ZNF718: variants seen among roughly 807,000 people sequenced by gnomAD.
ZNF718 encodes zinc finger protein 718.
Under a neutral mutation model 2.6 loss-of-function variants are expected in ZNF718, and 3 were observed. The ratio of observed to expected loss-of-function variants is 1.16; its 90% CI spans 0.53 to 3.01. The LOEUF (loss-of-function observed/expected upper bound fraction) is 3.01, where lower values mean the gene tolerates loss of function less well. Ranked by LOEUF, ZNF718 falls within the 30% of genes most tolerant of loss-of-function variation. The probability of loss-of-function intolerance (pLI) is 0.03; values close to 1 mark genes in which losing one functional copy is unlikely to be tolerated. For synonymous variants in ZNF718, 135 were observed against 77.9 expected (o/e 1.73, Z -3.86); for missense variants, 468 against 230.0 (o/e 2.03, Z -6.69).
chr4:159,421 T>C (rs958028383), intron 3 of ZNF718, among the ~76,000 whole-genome samples: 2 of 152,100 alleles, frequency 1.3e-5, no homozygotes, highest in Admixed American at 1.3e-4. Context: ...GGTTATCTTA[T>C]AAGACCACAC....
rs781921560 is a variant in ZNF718, at chr4:136,430, T to A, written c.226+4925T>A. 4 of 521,298 alleles carry A rather than the reference T, an allele frequency of 7.7e-6. No homozygotes were observed. The African/African-American group carries it at 7.7e-5, about 10-fold the overall frequency. 32.3% of individuals were successfully genotyped at this position (521,298 alleles called of 1,614,324 possible). Reference sequence around the variant, plus strand: ...TTGATAGGAAGGACCACTTGTGTACTGTAGCTGAGAGGAGTTTGAGACAGG... The same window carrying A: ...TTGATAGGAAGGACCACTTGTGTACAGTAGCTGAGAGGAGTTTGAGACAGG... On this transcript the variant is annotated intron_variant, in intron 3 of 3. Transcript: ENST00000510175.
At chr4:191,954 C>T (rs868963108) in intron 3 of ZNF718, among the ~76,000 whole-genome samples, 10 of 152,128 alleles carry the variant, frequency 6.6e-5, no homozygotes, top group East Asian at 3.9e-4. Flanking sequence ...CCCTGGGTCA[C>T]GGAAGAGAAC....
intron 3 of ZNF718, among the ~76,000 whole-genome samples, chr4:184,115 G>T (rs1553820184): frequency 6.6e-6 from 1 of 152,108 alleles, no homozygotes; most frequent in Non-Finnish European, 1.5e-5. Flanking sequence ...TCCAGCTTTT[G>T]CCCATTCAGT....
intron 3 of ZNF718, among the ~76,000 whole-genome samples, chr4:196,732 C>T (rs1366613183): frequency 6.6e-6 from 1 of 152,000 alleles, no homozygotes; most frequent in Non-Finnish European, 1.5e-5. Flanking sequence ...AAGCTGGTTC[C>T]AGGCAGACCA....
downstream of ZNF718, among the ~76,000 whole-genome samples, chr4:167,966 T>A (rs139429822): frequency 1.3e-5 from 2 of 152,126 alleles, no homozygotes; most frequent in African/African-American, 4.8e-5. Flanking sequence ...TTGCCCATTC[T>A]GTATGATATT....
intron 3 of ZNF718, among the ~76,000 whole-genome samples, chr4:184,768 A>G (rs557211263): frequency 2.6e-5 from 4 of 152,116 alleles, no homozygotes; most frequent in South Asian, 2.1e-4. Flanking sequence ...GAATGTGTTT[A>G]TTTATTCTAG....
rs1553816272 is a variant in ZNF718, at chr4:164,037, T to A, written c.*1915T>A. On this transcript the variant is annotated 3_prime_UTR_variant, in exon 4 of 4. Transcript: ENST00000510175. ...ACAATCCAATTATACACTTCATTTT[T>A]AAATGTACAATTAAATTATTTTTTA... 1 of 152,090 alleles carries A rather than the reference T, an allele frequency of 6.6e-6. No individual in the cohort carries two copies. The highest frequency in any genetic ancestry group is 1.5e-5 in the Non-Finnish European group (1 of 67,964). The allele number at this position is 152,090 out of a possible 1,614,324, so 9.4% of individuals were successfully genotyped here. A position where few individuals can be genotyped will look rare whatever the true frequency, so the allele number is the denominator to read the frequency against.
rs139840525 is a variant in ZNF718 at position 144,079 on chromosome 4, C to A, written c.226+12574C>A. 7.3e-3 allele frequency among the ~76,000 whole-genome samples: 1,116 copies of A among 152,252 alleles called. 12 individuals are homozygous for A. The highest frequency in any genetic ancestry group is 0.061 in the Middle Eastern group (18 of 294). On this transcript the variant is annotated intron_variant, in intron 3 of 3. Coordinates refer to ENST00000510175, the MANE Select transcript of ZNF718 (RefSeq NM_001039127.6). ...CGTTAATAACTAAATTTACTTCACCCTCTCCATTTACGTTGGGCATACCCA... is the reference window on the plus strand; with the variant it reads ...CGTTAATAACTAAATTTACTTCACCATCTCCATTTACGTTGGGCATACCCA...
At chr4:182,662 A>G (rs1553820012) in intron 3 of ZNF718, among the ~76,000 whole-genome samples, 1 of 151,818 alleles carries the variant, frequency 6.6e-6, no homozygotes, top group Non-Finnish European at 1.5e-5. Flanking sequence ...TGAACTCTTC[A>G]CCTCAAGTGA....
chr4:197,284 A>G (rs1375716671), intron 3 of ZNF718, among the ~76,000 whole-genome samples: 1 of 151,950 alleles, frequency 6.6e-6, no homozygotes, highest in Admixed American at 6.6e-5. Context: ...ATCTTTATAC[A>G]CTGTGAGGTG....
At chr4:139,091 G>C (rs1715699690) in intron 3 of ZNF718, among the ~76,000 whole-genome samples, 1 of 152,044 alleles carries the variant, frequency 6.6e-6, no homozygotes, top group Non-Finnish European at 1.5e-5. Context: ...TCACTTTGTT[G>C]ATTGTTTCAC....
intron 3 of ZNF718, chr4:136,435 C>A: frequency 1.9e-6 from 1 of 521,604 alleles, no homozygotes; most frequent in Non-Finnish European, 3.8e-6. Flanking sequence ...TGTACTGTAG[C>A]TGAGAGGAGT....
Position 161,245 on chromosome 4 carries a change from C to G in ZNF718, c.560C>G (p.Thr187Ser). 2.6e-6 allele frequency: 2 copies of G among 777,638 alleles called. No homozygotes were observed. The highest frequency in any genetic ancestry group is 4.8e-6 in the Non-Finnish European group (2 of 417,704). The allele number at this position is 777,638 out of a possible 1,614,324, so 48.2% of individuals were successfully genotyped here. Reference protein sequence around the residue: ...GKSFHVLSRLTQHKRIHTGEN... With the variant: ...GKSFHVLSRLSQHKRIHTGEN... ...TCATTTCACGTGCTCTCACGCCTAA[C>G]TCAACACAAAAGAATTCATACTGGA... is the stretch of plus-strand genomic sequence containing the variant. The change falls in exon 4 of 4, where the codon ACT becomes AGT. Residue 187 changes from threonine to serine, a missense_variant. By Grantham distance (58) the Thr-to-Ser change is moderately conservative (BLOSUM62 1). Transcript: ENST00000510175.
chr4:172,135 A>C lies in ZNF718; in HGVS notation c.227-28946A>C, dbSNP rs575823807. ...CCATGCTGTACAATAAATTTTCTGA[A>C]CTTAGTCAACTGTATTTACGTATTA... On this transcript the variant is annotated intron_variant and NMD_transcript_variant, in intron 3 of 4. Coordinates refer to the ZNF718 transcript ENST00000642529. Among the ~76,000 whole-genome samples, 12 of 152,264 alleles carry C rather than the reference A, an allele frequency of 7.9e-5. 1 individual carries two copies. In the South Asian group the frequency reaches 2.3e-3, roughly 29 times the overall value.
chr4:156,988 TATACTC>T (rs1160376244), intron 3 of ZNF718, among the ~76,000 whole-genome samples: 1 of 152,166 alleles, frequency 6.6e-6, no homozygotes, highest in African/African-American at 2.4e-5. Flanking sequence ...CTGTTCCGCT[TATACTC>T]ATACTAAATT....
At chr4:177,377 T>C (rs1490667250) in intron 3 of ZNF718, among the ~76,000 whole-genome samples, 2 of 152,204 alleles carry the variant, frequency 1.3e-5, no homozygotes, top group African/African-American at 4.8e-5. Flanking sequence ...ATGCTGTTTC[T>C]GGGTTAACAG....
chr4:125,154 A>G (rs1352394715), intron 1 of ZNF718: 1 of 155,688 alleles, frequency 6.4e-6, no homozygotes, highest in Non-Finnish European at 1.4e-5. Context: ...GAAGCGAAGC[A>G]AATCACCTGC....
upstream of ZNF718, chr4:124,481 C>T (rs1019446180): frequency 7.3e-6 from 5 of 681,842 alleles, no homozygotes; most frequent in African/African-American, 3.5e-5. Context: ...GAGGAGGGTG[C>T]GGCATCCGGG....
At chr4:201,838 C>G (rs1553822841) in exon 5 of ZNF718, 1 of 195,848 alleles carries the variant, frequency 5.1e-6, no homozygotes, top group African/African-American at 2.4e-5. Context: ...ACTGTGAGGG[C>G]AAGTACAAAA....
Sources: allele counts gnomAD v4.1 joint callset (sites outside exome capture counted in the v4.1 genomes callset), GRCh38; gene constraint gnomAD v4.1.1; transcripts MANE v1.5; gene names NCBI Gene and HGNC (gene_info 2026-07-23, HGNC 2026-07-21).